Variants in AGBL4 observed in about 807,000 individuals in gnomAD.
AGBL4 encodes cytosolic carboxypeptidase 6.
AGBL4 carries 58 observed loss-of-function variants against 66.4 expected under a neutral mutation model. The ratio of observed to expected loss-of-function variants is 0.87; its 90% CI spans 0.71 to 1.09. The LOEUF (loss-of-function observed/expected upper bound fraction) is 1.09. Among genes scored for constraint, AGBL4 ranks in the 50% least tolerant of loss-of-function variants. The pLI is 0.00. For synonymous variants in AGBL4, 234 were observed against 222.9 expected, an observed-to-expected ratio of 1.05 and a Z score of -0.44; for missense variants, 579 against 631.0, an observed-to-expected ratio of 0.92 and a Z score of 0.88.
intron 1 of AGBL4, among the ~76,000 whole-genome samples, chr1:50,008,263 T>C (rs1052048187): frequency 1.3e-5 from 2 of 152,138 alleles, no homozygotes; most frequent in Non-Finnish European, 2.9e-5. Flanking sequence ...AGACCATATA[T>C]TAGGACACAA....
At chr1:49,772,328 C>T (rs1157883016) in intron 2 of AGBL4, among the ~76,000 whole-genome samples, 1 of 152,056 alleles carries the variant, frequency 6.6e-6, no homozygotes, top group Non-Finnish European at 1.5e-5. Flanking sequence ...TCCTTAAGCA[C>T]TAACTGTAGC....
At chr1:48,695,926 T>C (rs1646707158) in intron 6 of AGBL4, among the ~76,000 whole-genome samples, 1 of 151,922 alleles carries the variant, frequency 6.6e-6, no homozygotes, top group Non-Finnish European at 1.5e-5. Flanking sequence ...GGACTCCACT[T>C]GACCCACTGG....
chr1:49,846,166 T>C, intron 2 of AGBL4: 1 of 1,452,558 alleles, frequency 6.9e-7, no homozygotes, highest in Admixed American at 1.7e-5. Context: ...ATGGGTTCAA[T>C]AAGTGTGGGA....
chr1:49,593,992 G>A (rs1039574264), intron 3 of AGBL4, among the ~76,000 whole-genome samples: 1 of 152,144 alleles, frequency 6.6e-6, no homozygotes, highest in African/African-American at 2.4e-5. Flanking sequence ...TCCAGTATAT[G>A]CAAGGAATTG....
intron 3 of AGBL4, among the ~76,000 whole-genome samples, chr1:49,641,541 A>C (rs1004396149): frequency 1.3e-5 from 2 of 152,086 alleles, no homozygotes; most frequent in African/African-American, 4.8e-5. Flanking sequence ...AAATTATCTT[A>C]TCTTGCTTCT....
intron 1 of AGBL4, among the ~76,000 whole-genome samples, chr1:49,980,404 C>T (rs1557636911): frequency 6.6e-6 from 1 of 152,158 alleles, no homozygotes; most frequent in Non-Finnish European, 1.5e-5. Flanking sequence ...AACTGAAACT[C>T]TCTACCCATC....
intron 6 of AGBL4, among the ~76,000 whole-genome samples, chr1:48,716,456 G>A (rs550315984): frequency 1.3e-5 from 2 of 152,198 alleles, no homozygotes; most frequent in African/African-American, 4.8e-5. Context: ...AGTTCAGGGA[G>A]TTTATTGACC....
rs1243353662 is a variant in AGBL4 at position 48,741,351 on chromosome 1, T to C, written c.635-78110A>G. ...GAGACCCAGAGAAGTGAAGGATCTT[T>C]GCAAGGTCACACAGGTAGGACAGAT... On this transcript the variant is annotated intron_variant, in intron 6 of 13. Coordinates refer to ENST00000371839, the MANE Select transcript of AGBL4 (RefSeq NM_032785.4). 3.3e-5 allele frequency among the ~76,000 whole-genome samples: 5 copies of C among 152,328 alleles called. No homozygotes were observed. The East Asian group carries it at 7.7e-4, about 23-fold the overall frequency.
At chr1:49,347,801 A>G (rs1420988028) in intron 3 of AGBL4, among the ~76,000 whole-genome samples, 1 of 151,802 alleles carries the variant, frequency 6.6e-6, no homozygotes, top group African/African-American at 2.4e-5. Flanking sequence ...CAGACGTTGC[A>G]GTGAGCCAAG....
chr1:49,167,090 A>G (rs1646649470), intron 4 of AGBL4, among the ~76,000 whole-genome samples: 1 of 152,184 alleles, frequency 6.6e-6, no homozygotes, highest in Non-Finnish European at 1.5e-5. Flanking sequence ...TTTCCTACAA[A>G]AAGCTTTGAT....
intron 4 of AGBL4, among the ~76,000 whole-genome samples, chr1:49,191,678 T>C (rs1409492910): frequency 6.6e-6 from 1 of 152,188 alleles, no homozygotes; most frequent in East Asian, 1.9e-4. Flanking sequence ...GAATACTCAA[T>C]GTCTGCTCCC....
chr1:49,864,682 C>T (rs889549553), intron 1 of AGBL4, among the ~76,000 whole-genome samples: 2 of 152,158 alleles, frequency 1.3e-5, no homozygotes, highest in Non-Finnish European at 2.9e-5. Flanking sequence ...CAGGAGATCC[C>T]CTGATGAGCT....
At chr1:49,320,329 A>T (rs1290603022) in intron 3 of AGBL4, among the ~76,000 whole-genome samples, 1 of 126,086 alleles carries the variant, frequency 7.9e-6, no homozygotes, top group Admixed American at 7.8e-5. Context: ...TGGAGACTGC[A>T]GTCTTTGTTC....
At chr1:49,283,582 G>C (rs1270951110) in intron 3 of AGBL4, among the ~76,000 whole-genome samples, 2 of 152,140 alleles carry the variant, frequency 1.3e-5, no homozygotes, top group African/African-American at 4.8e-5. Flanking sequence ...AGCTACAGAA[G>C]GAAATTCAAA....
At chr1:48,586,580 T>A (rs2803276) in intron 11 of AGBL4, 3,139 of 186,510 alleles carry the variant, frequency 0.017, 112 homozygotes, top group African/African-American at 0.07. Context: ...AGACAAAAGA[T>A]GAAAAGAGAA....
At chr1:48,699,107 C>A (rs1400209381) in intron 6 of AGBL4, among the ~76,000 whole-genome samples, 2 of 152,188 alleles carry the variant, frequency 1.3e-5, no homozygotes, top group African/African-American at 2.4e-5. Context: ...GGTCCTACAG[C>A]CAGACATTGT....
At chr1:49,380,348 T>C (rs1644573395) in intron 3 of AGBL4, among the ~76,000 whole-genome samples, 1 of 151,832 alleles carries the variant, frequency 6.6e-6, no homozygotes. Flanking sequence ...TAAAAGAGGA[T>C]ACAAAGAAAT....
At chr1:48,990,796 T>G (rs1405252736) in intron 5 of AGBL4, among the ~76,000 whole-genome samples, 3 of 152,166 alleles carry the variant, frequency 2.0e-5, no homozygotes, top group Non-Finnish European at 2.9e-5. Flanking sequence ...ACCCATTATT[T>G]TAAACTGATG....
intron 3 of AGBL4, among the ~76,000 whole-genome samples, chr1:49,599,670 G>C (rs947724942): frequency 1.8e-4 from 27 of 151,974 alleles, no homozygotes; most frequent in African/African-American, 5.8e-4. Flanking sequence ...GAATTTGTTT[G>C]TTCTTGCTTC....
Sources: gnomAD v4.1 joint callset for allele counts (sites outside exome capture counted in the v4.1 genomes callset) on GRCh38, gnomAD v4.1.1 for gene constraint, MANE v1.5 for transcripts, NCBI Gene and HGNC (gene_info 2026-07-23, HGNC 2026-07-21) for gene names.